ERI1: variants seen among roughly 807,000 people sequenced by gnomAD.
The protein encoded by ERI1 is exoribonuclease 1, also known as 3'-5' exoribonuclease 1.
ERI1 carries 39 observed loss-of-function variants against 39.7 expected under a neutral mutation model. The ratio of observed to expected loss-of-function variants is 0.98; its 90% confidence interval spans 0.76 to 1.28. The LOEUF is 1.28. ERI1 is among the 50% of genes most tolerant of loss of function. The pLI, the probability that ERI1 is intolerant of heterozygous loss-of-function variation, is 0.00. For missense variants in ERI1, 581 were observed against 416.9 expected, an observed-to-expected ratio of 1.39 and a Z score of -3.43; for synonymous variants, 204 against 149.6, an observed-to-expected ratio of 1.36 and a Z score of -2.65.
chr8:9,017,407 T>G (rs1380760928), intron 4 of ERI1, among the ~76,000 whole-genome samples: 1 of 152,112 alleles, frequency 6.6e-6, no homozygotes, highest in African/African-American at 2.4e-5. Context: ...TTTCATTTAG[T>G]TAGTTCATTC....
chr8:9,062,560 C>T lies in ERI1; in HGVS notation n.299+42096C>T, dbSNP rs555692027. The T allele has an allele frequency of 1.8e-3, 209 of 118,208 alleles. 3 individuals are homozygous for T. The highest frequency in any genetic ancestry group is 4.4e-3 in the African/African-American group (170 of 38,552). The allele number at this position is 118,208 out of a possible 1,614,324, so 7.3% of individuals were successfully genotyped here. ...AGTTATGGAGGCAAGGGAAACAGGC[C>T]CTTGAAAAGAAGGTAATGTGGAGTG... On this transcript the variant is annotated intron_variant and non_coding_transcript_variant, in intron 3 of 3. Coordinates refer to the ERI1 transcript ENST00000518663.
intron 6 of ERI1, among the ~76,000 whole-genome samples, chr8:9,020,775 A>C (rs1817799949): frequency 6.6e-6 from 1 of 152,172 alleles, no homozygotes; most frequent in Non-Finnish European, 1.5e-5. Context: ...ACATTTATCA[A>C]AGTTAATATG....
At chr8:9,056,345 AG>A (rs1180565560) in intron 3 of ERI1, among the ~76,000 whole-genome samples, 1 of 152,160 alleles carries the variant, frequency 6.6e-6, no homozygotes, top group Non-Finnish European at 1.5e-5. Flanking sequence ...TGTTGGGGTA[AG>A]GGGTTATACA....
intron 3 of ERI1, among the ~76,000 whole-genome samples, chr8:9,098,621 G>C (rs947583974): frequency 6.6e-6 from 1 of 152,026 alleles, no homozygotes; most frequent in Admixed American, 6.6e-5. Flanking sequence ...TGGGTACAGT[G>C]TACACTGCTT....
At chr8:9,056,278 C>T (rs1798504465) in intron 3 of ERI1, among the ~76,000 whole-genome samples, 1 of 152,238 alleles carries the variant, frequency 6.6e-6, no homozygotes, top group Admixed American at 6.5e-5. Flanking sequence ...AATGCAGGAG[C>T]ACAGCTCTGT....
chr8:9,057,096 G>C (rs1450752720), intron 3 of ERI1, among the ~76,000 whole-genome samples: 1 of 152,050 alleles, frequency 6.6e-6, no homozygotes, highest in Non-Finnish European at 1.5e-5. Flanking sequence ...GCCTCCAAAA[G>C]TGCTAGGATT....
chr8:9,097,205 A>G (rs1274163051), intron 3 of ERI1, among the ~76,000 whole-genome samples: 2 of 151,938 alleles, frequency 1.3e-5, no homozygotes. Flanking sequence ...CCCCGCTTTC[A>G]TATGCTACAT....
intron 6 of ERI1, among the ~76,000 whole-genome samples, chr8:9,021,110 G>A (rs528331035): frequency 6.6e-6 from 1 of 151,990 alleles, no homozygotes; most frequent in East Asian, 1.9e-4. Flanking sequence ...TTACCTTTCA[G>A]TCAGAGCACT....
chr8:9,007,142 T>G (rs1816105644), intron 1 of ERI1, among the ~76,000 whole-genome samples: 1 of 152,192 alleles, frequency 6.6e-6, no homozygotes, highest in African/African-American at 2.4e-5. Context: ...GTGGAGAAAA[T>G]AGAATTGAGT....
chr8:9,058,895 G>A (rs983451557), intron 3 of ERI1, among the ~76,000 whole-genome samples: 1 of 151,772 alleles, frequency 6.6e-6, no homozygotes, highest in Non-Finnish European at 1.5e-5. Flanking sequence ...CTTTTTAACC[G>A]TCTCATACAA....
At chr8:9,062,801 G>A (rs994637787) in intron 3 of ERI1, 5 of 151,714 alleles carry the variant, frequency 3.3e-5, no homozygotes, top group African/African-American at 4.8e-5. Context: ...TGAACAGTCT[G>A]ATTTTCAGTG....
chr8:9,014,686 A>G (rs1424522066), intron 3 of ERI1, among the ~76,000 whole-genome samples: 2 of 152,216 alleles, frequency 1.3e-5, no homozygotes, highest in Non-Finnish European at 2.9e-5. Context: ...AAGTTGCAAT[A>G]TATTTTTGAA....
intron 3 of ERI1, among the ~76,000 whole-genome samples, chr8:9,089,405 TG>T (rs935052992): frequency 6.6e-6 from 1 of 152,210 alleles, no homozygotes; most frequent in East Asian, 1.9e-4. Flanking sequence ...ACACGCAGCC[TG>T]GATCTCTTTC....
intron 1 of ERI1, among the ~76,000 whole-genome samples, chr8:9,006,238 T>C (rs1816009177): frequency 6.6e-6 from 1 of 152,228 alleles, no homozygotes; most frequent in Non-Finnish European, 1.5e-5. Context: ...CACTGCTTTC[T>C]GAGGATTGGA....
intron 3 of ERI1, among the ~76,000 whole-genome samples, chr8:9,042,434 T>C (rs1321286473): frequency 6.6e-6 from 1 of 152,196 alleles, no homozygotes; most frequent in Non-Finnish European, 1.5e-5. Flanking sequence ...CAGATGCTTA[T>C]TTCCTCAACT....
chr8:9,073,273 A>G (rs1034910043), intron 3 of ERI1, among the ~76,000 whole-genome samples: 1 of 152,226 alleles, frequency 6.6e-6, no homozygotes, highest in East Asian at 1.9e-4. Flanking sequence ...AATCTGTCAC[A>G]TCGTCCCGAA....
chr8:9,015,127 A>G (rs1817092954), intron 3 of ERI1, among the ~76,000 whole-genome samples: 1 of 152,182 alleles, frequency 6.6e-6, no homozygotes, highest in African/African-American at 2.4e-5. Flanking sequence ...ATTAGTCACC[A>G]CATCTGGCCT....
chr8:9,085,022 G>C (rs1799481822), intron 3 of ERI1, among the ~76,000 whole-genome samples: 1 of 152,072 alleles, frequency 6.6e-6, no homozygotes, highest in Non-Finnish European at 1.5e-5. Flanking sequence ...ACATCACCTA[G>C]AAACTTCTAT....
intron 3 of ERI1, among the ~76,000 whole-genome samples, chr8:9,057,117 G>C (rs1255437509): frequency 6.6e-6 from 1 of 151,836 alleles, no homozygotes; most frequent in African/African-American, 2.4e-5. Flanking sequence ...ACAGGCCTGA[G>C]CCACCACACC....
Sources: gnomAD v4.1 joint callset for allele counts (sites outside exome capture counted in the v4.1 genomes callset) on GRCh38, gnomAD v4.1.1 for gene constraint, MANE v1.5 for transcripts, NCBI Gene and HGNC (gene_info 2026-07-23, HGNC 2026-07-21) for gene names.